The following CHID1 variants were observed in gnomAD, a reference collection of about 807,000 sequenced individuals.
The protein encoded by CHID1 is chitinase domain-containing protein 1.
CHID1 carries 44 observed loss-of-function variants against 55.4 expected under a neutral mutation model. The ratio of observed to expected loss-of-function variants is 0.79; its 90% CI spans 0.62 to 1.02. The LOEUF (loss-of-function observed/expected upper bound fraction) is 1.02, where lower values mean the gene tolerates loss of function less well. Among genes scored for constraint, CHID1 ranks in the 50% least tolerant of loss-of-function variants. The pLI is 0.00. For synonymous variants in CHID1, 216 were observed against 212.9 expected (o/e 1.01, Z -0.13); for missense variants, 491 against 515.3 (o/e 0.95, Z 0.46).
chr11:911,155 G>C (rs923365377), upstream of CHID1: 2 of 151,988 alleles, frequency 1.3e-5, no homozygotes, highest in Admixed American at 6.5e-5. Context: ...GCCTCTGCCC[G>C]GCTCGGCGGT....
chr11:900,886 C>T (rs762425254), intron 5 of CHID1, 50 bp downstream of exon 5: 32 of 1,529,316 alleles, frequency 2.1e-5, no homozygotes, highest in Non-Finnish European at 2.7e-5. Context: ...ACCTGTCCAC[C>T]CCCGCAGTTT....
intron 1 of CHID1, 23 bp downstream of exon 1, chr11:910,752 G>A: frequency 8.4e-7 from 1 of 1,193,034 alleles, no homozygotes; most frequent in Non-Finnish European, 1.1e-6. Flanking sequence ...GGAGGAGCAG[G>A]GGCCGGCCGC....
upstream of CHID1, chr11:911,186 G>T (rs1852663988): frequency 6.6e-6 from 1 of 151,938 alleles, no homozygotes; most frequent in African/African-American, 2.4e-5. Flanking sequence ...CCGCGCGGTG[G>T]GCTCCGCCCC....
At chr11:878,728 G>A (rs1183033508) in intron 10 of CHID1, among the ~76,000 whole-genome samples, 1 of 151,690 alleles carries the variant, frequency 6.6e-6, no homozygotes, top group Non-Finnish European at 1.5e-5. Flanking sequence ...TTGAGACAGA[G>A]TCTCGCACTG....
intron 7 of CHID1, among the ~76,000 whole-genome samples, chr11:897,427 A>C (rs1851447248): frequency 6.6e-6 from 1 of 152,228 alleles, no homozygotes; most frequent in South Asian, 2.1e-4. Flanking sequence ...AGAAGGCTGG[A>C]AGCAGGCGGG....
chr11:913,625 T>G (rs544544992), upstream of CHID1, among the ~76,000 whole-genome samples: 1 of 149,594 alleles, frequency 6.7e-6, no homozygotes, highest in African/African-American at 2.5e-5. Context: ...TACAAAAAAG[T>G]AGCCGGGCTT....
chr11:897,261 G>C (rs941892000), intron 7 of CHID1, among the ~76,000 whole-genome samples: 2 of 149,686 alleles, frequency 1.3e-5, no homozygotes, highest in Non-Finnish European at 3.0e-5. Context: ...CTCCACCCCA[G>C]ACACGAGGCT....
chr11:871,068 G>A (rs1849148485), intron 10 of CHID1, among the ~76,000 whole-genome samples: 1 of 148,662 alleles, frequency 6.7e-6, no homozygotes, highest in Non-Finnish European at 1.5e-5. Context: ...TTGGTTCACT[G>A]CAACCTCTGC....
At chr11:908,558 G>A (rs1353889605) in intron 1 of CHID1, 6 of 985,014 alleles carry the variant, frequency 6.1e-6, no homozygotes, top group East Asian at 1.1e-4. Flanking sequence ...AGGCTGAAAC[G>A]GTGGCTGCCT....
chr11:880,729 C>T (rs1304358091), intron 10 of CHID1, among the ~76,000 whole-genome samples: 1 of 152,002 alleles, frequency 6.6e-6, no homozygotes, highest in Admixed American at 6.6e-5. Flanking sequence ...CTGACACACG[C>T]ACACACCCCT....
intron 11 of CHID1, 76 bp downstream of exon 11, chr11:870,343 T>A: frequency 7.2e-7 from 1 of 1,380,794 alleles, no homozygotes; most frequent in South Asian, 1.2e-5. Context: ...TGGGCCCTGC[T>A]GCTCCCTCAT....
chr11:883,357 GC>G (rs1476595719), intron 9 of CHID1, 54 bp from the exon 10 acceptor site: 1 of 1,552,286 alleles, frequency 6.4e-7, no homozygotes, highest in Non-Finnish European at 8.8e-7. Flanking sequence ...CCGCACCTGA[GC>G]CATCATTGGG....
At chr11:898,643 C>T (rs73407257) in intron 7 of CHID1, among the ~76,000 whole-genome samples, 5,658 of 152,302 alleles carry the variant, frequency 0.037, 346 homozygotes, top group African/African-American at 0.13. Context: ...GCTGCTTGGG[C>T]AGGACCAAGG....
At chr11:892,724 C>T (rs1432399074) in intron 8 of CHID1, among the ~76,000 whole-genome samples, 1 of 152,218 alleles carries the variant, frequency 6.6e-6, no homozygotes, top group Non-Finnish European at 1.5e-5. Flanking sequence ...AGTTGCAGCC[C>T]ACACTGATCA....
chr11:882,952 T>C (rs1850100167), intron 10 of CHID1, 196 bp downstream of exon 10: 1 of 577,506 alleles, frequency 1.7e-6, no homozygotes, highest in Non-Finnish European at 3.1e-6. Flanking sequence ...GGCCGTGTTA[T>C]GGGTGGTGAC....
chr11:888,184 T>C lies in CHID1; in HGVS notation c.702-4015A>G, dbSNP rs982004926. Among the ~76,000 whole-genome samples the C allele has an allele frequency of 2.0e-5, 3 of 152,186 alleles. No individual in the cohort carries two copies. The East Asian group carries it at 5.8e-4, about 29-fold the overall frequency. On this transcript the variant is annotated intron_variant, in intron 8 of 12. Coordinates refer to ENST00000323578, the MANE Select transcript of CHID1 (RefSeq NM_023947.4). ...CTGGGCACCAACCACGGCCGCAGGC[T>C]AAGAACGGTCCTCACGCTTTCAAGG...
At chr11:897,659 G>T (rs962929405) in intron 7 of CHID1, among the ~76,000 whole-genome samples, 1 of 152,360 alleles carries the variant, frequency 6.6e-6, no homozygotes, top group African/African-American at 2.4e-5. Context: ...TACCCCCACT[G>T]CAGTGCGCCT....
At chr11:882,831 C>T (rs1297201745) in intron 10 of CHID1, 1 of 282,530 alleles carries the variant, frequency 3.5e-6, no homozygotes, top group Non-Finnish European at 6.7e-6. Context: ...GAGGAGCATT[C>T]AACCCAGGAG....
intron 7 of CHID1, among the ~76,000 whole-genome samples, chr11:893,757 C>T (rs1334709016): frequency 2.0e-5 from 3 of 152,114 alleles, no homozygotes; most frequent in Non-Finnish European, 4.4e-5. Flanking sequence ...CCCAGGAATC[C>T]CCAGAAAGAG....
Sources: allele counts gnomAD v4.1 joint callset (sites outside exome capture counted in the v4.1 genomes callset), GRCh38; gene constraint gnomAD v4.1.1; transcripts MANE v1.5; gene names NCBI Gene and HGNC (gene_info 2026-07-23, HGNC 2026-07-21).